TNFRSF19: variants seen among roughly 807,000 people sequenced by gnomAD.
TNFRSF19 encodes the protein TNF receptor superfamily member 19.
TNFRSF19 carries 27 observed loss-of-function variants against 46.4 expected under a neutral mutation model. The ratio of observed to expected loss-of-function variants is 0.58; its 90% confidence interval spans 0.43 to 0.80. TNFRSF19 has a LOEUF of 0.80. TNFRSF19 is among the 30% of genes least tolerant of loss of function. TNFRSF19 has a pLI of 0.00. For missense variants in TNFRSF19, 511 were observed against 530.8 expected, an observed-to-expected ratio of 0.96 and a Z score of 0.37; for synonymous variants, 204 against 205.0, an observed-to-expected ratio of 1.00 and a Z score of 0.04.
At chr13:23,646,883 A>G (rs1482467473) in intron 5 of TNFRSF19, among the ~76,000 whole-genome samples, 1 of 152,194 alleles carries the variant, frequency 6.6e-6, no homozygotes, top group East Asian at 1.9e-4. Flanking sequence ...GCACCATTTT[A>G]CGTTCTTACC....
chr13:23,582,273 C>T (rs1354660548), intron 1 of TNFRSF19, among the ~76,000 whole-genome samples: 1 of 149,568 alleles, frequency 6.7e-6, no homozygotes, highest in East Asian at 2.0e-4. Flanking sequence ...TGGTGGCGGG[C>T]GCCTGTAGTC....
chr13:23,633,527 A>G (rs1261716761), intron 5 of TNFRSF19, among the ~76,000 whole-genome samples: 1 of 139,612 alleles, frequency 7.2e-6, no homozygotes, highest in Non-Finnish European at 1.6e-5. Flanking sequence ...TTGTTACAGC[A>G]AACTCCTCAT....
chr13:23,592,022 T>A (rs1879346673), intron 2 of TNFRSF19, among the ~76,000 whole-genome samples: 1 of 152,030 alleles, frequency 6.6e-6, no homozygotes, highest in Non-Finnish European at 1.5e-5. Flanking sequence ...ACCGTGCCTG[T>A]CTGTCTCAAA....
At chr13:23,665,899 G>A (rs1246208652) in intron 7 of TNFRSF19, among the ~76,000 whole-genome samples, 1 of 152,064 alleles carries the variant, frequency 6.6e-6, no homozygotes, top group East Asian at 1.9e-4. Context: ...AAATATGTTT[G>A]GTCTCTTTTA....
intron 4 of TNFRSF19, among the ~76,000 whole-genome samples, chr13:23,621,538 G>A (rs3794350): frequency 0.54 from 82,786 of 152,018 alleles, 23,409 homozygotes; most frequent in Middle Eastern, 0.63. Context: ...TTGTAAAACC[G>A]GAGCTGTTCT....
rs752483689 is a variant in TNFRSF19 at position 23,673,378 on chromosome 13, TAAAG to T, written c.*1_*4del. The T allele has an allele frequency of 2.4e-5, 38 of 1,605,192 alleles. No individual in the cohort carries two copies. Among genetic ancestry groups the T allele is most frequent in the Admixed American group, 1.5e-4 (9 of 59,158 alleles). On this transcript the variant is annotated stop_retained_variant and 3_prime_UTR_variant, in exon 10 of 10. Transcript: ENST00000248484. ...CTTTCTGTTGCTGTTTTAGGAAGCT[TAAAG>T]AACCTGCTTCTTTCTGCAGTAGAAG...
intron 1 of TNFRSF19, among the ~76,000 whole-genome samples, chr13:23,578,793 T>A (rs1304627021): frequency 6.6e-6 from 1 of 152,240 alleles, no homozygotes; most frequent in Non-Finnish European, 1.5e-5. Context: ...GCGCTGGTGC[T>A]ACAGCTGTGG....
intron 5 of TNFRSF19, among the ~76,000 whole-genome samples, chr13:23,629,289 T>TG (rs1419206288): frequency 2.0e-5 from 3 of 152,198 alleles, no homozygotes; most frequent in Non-Finnish European, 4.4e-5. Context: ...TAGCCCTCCC[T>TG]GGGGGTCCCA....
At chr13:23,670,343 T>C (rs1209588912) in intron 9 of TNFRSF19, among the ~76,000 whole-genome samples, 2 of 152,160 alleles carry the variant, frequency 1.3e-5, no homozygotes, top group Admixed American at 6.5e-5. Context: ...AAAAAAATTA[T>C]CTGGAGAACT....
intron 9 of TNFRSF19, among the ~76,000 whole-genome samples, chr13:23,672,016 A>C (rs1468908569): frequency 6.6e-6 from 1 of 152,164 alleles, no homozygotes; most frequent in East Asian, 1.9e-4. Context: ...ACATGTGTCC[A>C]TCTGGGAGGT....
chr13:23,652,731 G>A (rs1437775245), intron 5 of TNFRSF19, among the ~76,000 whole-genome samples: 2 of 152,194 alleles, frequency 1.3e-5, no homozygotes, highest in Non-Finnish European at 2.9e-5. Context: ...GACAACCAAT[G>A]AACACATCAT....
chr13:23,622,903 T>G (rs1881763694), intron 4 of TNFRSF19, among the ~76,000 whole-genome samples: 1 of 152,236 alleles, frequency 6.6e-6, no homozygotes, highest in African/African-American at 2.4e-5. Flanking sequence ...AGAAGAAAGC[T>G]CCTTTATATT....
chr13:23,639,775 G>A (rs1160010856), intron 5 of TNFRSF19, among the ~76,000 whole-genome samples: 3 of 152,198 alleles, frequency 2.0e-5, no homozygotes, highest in Non-Finnish European at 2.9e-5. Context: ...GGGAGGGAGG[G>A]AGAGGAGGAG....
chr13:23,581,034 T>C (rs1878373686), intron 1 of TNFRSF19, among the ~76,000 whole-genome samples: 3 of 152,238 alleles, frequency 2.0e-5, no homozygotes, highest in Admixed American at 6.5e-5. Flanking sequence ...CTTGCAACTC[T>C]GAGTCCAGGC....
chr13:23,647,912 G>C (rs73156783), intron 5 of TNFRSF19, among the ~76,000 whole-genome samples: 35,679 of 151,906 alleles, frequency 0.23, 4,856 homozygotes, highest in Non-Finnish European at 0.32. Flanking sequence ...TTTACTTCAG[G>C]ACTGTCAATT....
At chr13:23,644,415 C>G (rs1655987350) in intron 5 of TNFRSF19, among the ~76,000 whole-genome samples, 2 of 152,100 alleles carry the variant, frequency 1.3e-5, no homozygotes, top group Non-Finnish European at 2.9e-5. Flanking sequence ...GGGGCTTTCC[C>G]CCCTTTGCTT....
At chr13:23,632,317 A>AGAAG (rs979260581) in intron 5 of TNFRSF19, among the ~76,000 whole-genome samples, 1 of 152,242 alleles carries the variant, frequency 6.6e-6, no homozygotes, top group African/African-American at 2.4e-5. Flanking sequence ...GAGGCAGCAG[A>AGAAG]GAAGGGGTGG....
At chr13:23,641,556 C>G (rs1408181105) in intron 5 of TNFRSF19, among the ~76,000 whole-genome samples, 1 of 152,188 alleles carries the variant, frequency 6.6e-6, no homozygotes, top group Non-Finnish European at 1.5e-5. Flanking sequence ...GTCTTGAACT[C>G]CTGACCTCAA....
At chr13:23,593,982 C>T (rs1229376234) in intron 3 of TNFRSF19, among the ~76,000 whole-genome samples, 2 of 152,148 alleles carry the variant, frequency 1.3e-5, no homozygotes, top group East Asian at 1.9e-4. Context: ...TGTCACTTCA[C>T]CTGGGAAGTG....
Sources: gnomAD v4.1 joint callset for allele counts (sites outside exome capture counted in the v4.1 genomes callset) on GRCh38, gnomAD v4.1.1 for gene constraint, MANE v1.5 for transcripts, NCBI Gene and HGNC (gene_info 2026-07-23, HGNC 2026-07-21) for gene names.